NDUFAF6: variants seen among roughly 807,000 people sequenced by gnomAD.
The protein encoded by NDUFAF6 is NADH dehydrogenase (ubiquinone) complex I, assembly factor 6.
Under a neutral mutation model 40.8 loss-of-function variants are expected in NDUFAF6, and 45 were observed. That is an observed-to-expected ratio of 1.10 (90% CI 0.87 to 1.42). The LOEUF is 1.42. Ranked by LOEUF, NDUFAF6 falls within the 40% of genes most tolerant of loss-of-function variation. The pLI is 0.00. For synonymous variants in NDUFAF6, 185 were observed against 155.9 expected (o/e 1.19, Z -1.39); for missense variants, 435 against 418.5 (o/e 1.04, Z -0.34).
At chr8:94,918,222 G>T (rs548879292) in intron 1 of NDUFAF6, among the ~76,000 whole-genome samples, 1 of 152,262 alleles carries the variant, frequency 6.6e-6, no homozygotes, top group African/African-American at 2.4e-5. Flanking sequence ...CACAAAACCA[G>T]CCTCAAAGAA....
At chr8:95,114,330 G>A (rs552500147) in intron 4 of NDUFAF6, among the ~76,000 whole-genome samples, 10 of 152,308 alleles carry the variant, frequency 6.6e-5, no homozygotes, top group African/African-American at 2.4e-4. Flanking sequence ...GTGGTTCCCT[G>A]ACAGGCAGGT....
At chr8:95,112,656 A>T (rs1043655516) in intron 4 of NDUFAF6, among the ~76,000 whole-genome samples, 1 of 152,154 alleles carries the variant, frequency 6.6e-6, no homozygotes, top group Non-Finnish European at 1.5e-5. Flanking sequence ...AACCATTAAG[A>T]TCCTGTTTGC....
At chr8:95,082,885 C>T (rs953918199) in intron 2 of NDUFAF6, among the ~76,000 whole-genome samples, 1 of 152,192 alleles carries the variant, frequency 6.6e-6, no homozygotes, top group African/African-American at 2.4e-5. Flanking sequence ...TGGTTTCGAT[C>T]TCCTGACCTC....
chr8:95,082,222 A>G (rs1185036437), intron 2 of NDUFAF6, among the ~76,000 whole-genome samples: 2 of 152,140 alleles, frequency 1.3e-5, no homozygotes, highest in Admixed American at 6.5e-5. Context: ...TATGCCTGTA[A>G]TCCCAGCACT....
chr8:95,100,923 C>T (rs559048275), intron 1 of NDUFAF6, among the ~76,000 whole-genome samples: 1 of 152,118 alleles, frequency 6.6e-6, no homozygotes, highest in African/African-American at 2.4e-5. Context: ...CCGTAAAAAG[C>T]GGGAATAGAA....
chr8:94,940,942 T>G, intron 1 of NDUFAF6: 1 of 1,610,882 alleles, frequency 6.2e-7, no homozygotes, highest in Non-Finnish European at 8.5e-7. Context: ...TCTGGAACAT[T>G]GTTAAGGCAA....
At chr8:94,996,855 G>A (rs557034229) in intron 2 of NDUFAF6, among the ~76,000 whole-genome samples, 92 of 152,264 alleles carry the variant, frequency 6.0e-4, no homozygotes, top group East Asian at 4.2e-3. Context: ...ACATGAAGAC[G>A]CAGGGAGAAG....
In NDUFAF6 at chr8:95,032,110, C is replaced by A. The variant is rs762409603; in HGVS notation, c.297+16C>A. On this transcript the variant is annotated intron_variant, in intron 2 of 8. Coordinates refer to ENST00000396124, the MANE Select transcript of NDUFAF6 (RefSeq NM_152416.4). ...ACTGGCTCAGGCTGGTATTAAGATA[C>A]CTTAAAATATTATTTGCGAAATGGT... is the stretch of plus-strand genomic sequence containing the variant. 53 of 1,601,016 alleles carry A rather than the reference C, an allele frequency of 3.3e-5. No homozygotes were observed. In the Middle Eastern group the frequency reaches 4.9e-4, roughly 15 times the overall value.
chr8:95,076,722 A>C (rs907363011), downstream of NDUFAF6, among the ~76,000 whole-genome samples: 5 of 151,944 alleles, frequency 3.3e-5, no homozygotes, highest in African/African-American at 1.2e-4. Flanking sequence ...AAAAATACAA[A>C]ATTAGCCATG....
intron 1 of NDUFAF6, chr8:94,940,337 G>A (rs933745695): frequency 4.9e-6 from 6 of 1,233,672 alleles, no homozygotes; most frequent in East Asian, 2.3e-5. Flanking sequence ...CACAGAAAAA[G>A]AAGAGATGAT....
At chr8:95,103,382 T>A (rs1342017221) in exon 3 of NDUFAF6, 1 of 152,202 alleles carries the variant, frequency 6.6e-6, no homozygotes, top group East Asian at 1.9e-4. Context: ...TTTTCTCACC[T>A]GTAAAGTGGA....
intron 2 of NDUFAF6, among the ~76,000 whole-genome samples, chr8:95,004,367 T>C (rs940551090): frequency 4.5e-5 from 6 of 134,580 alleles, no homozygotes; most frequent in African/African-American, 1.7e-4. Flanking sequence ...TTTTTTTTTT[T>C]TTTTTGAGAC....
intron 2 of NDUFAF6, among the ~76,000 whole-genome samples, chr8:95,082,067 A>C (rs556520626): frequency 6.8e-4 from 103 of 152,142 alleles, no homozygotes; most frequent in Middle Eastern, 3.4e-3. Context: ...CCGTCTCAAA[A>C]AAAAACAACA....
intron 2 of NDUFAF6, among the ~76,000 whole-genome samples, chr8:95,088,396 T>C (rs913741584): frequency 2.6e-5 from 4 of 152,234 alleles, no homozygotes; most frequent in Non-Finnish European, 4.4e-5. Context: ...CTTCCCCACG[T>C]TGAGCTAGAG....
chr8:94,998,929 G>GGTGTGTGTGTGTGTGT (rs150656787), intron 2 of NDUFAF6, among the ~76,000 whole-genome samples: 29 of 151,026 alleles, frequency 1.9e-4, no homozygotes, highest in African/African-American at 6.8e-4. Flanking sequence ...TGGAGAGCAG[G>GGTGTGTGTGTGTGTGT]GTGTGTGTGT....
At chr8:94,904,320 C>CTCTTTTTTTTTTT (rs1818238227) in intron 1 of NDUFAF6, among the ~76,000 whole-genome samples, 1 of 34,134 alleles carries the variant, frequency 2.9e-5, no homozygotes, top group African/African-American at 1.5e-4. Context: ...ATTTTTTTTG[C>CTCTTTTTTTTTTT]TTTTTTTTTT....
At chr8:94,987,953 C>T (rs1430817916) in intron 2 of NDUFAF6, among the ~76,000 whole-genome samples, 1 of 152,158 alleles carries the variant, frequency 6.6e-6, no homozygotes, top group Admixed American at 6.5e-5. Flanking sequence ...TCAAAGGTCT[C>T]ATCTAAGTGT....
At chr8:95,116,738 A>T (rs1283926050), downstream of NDUFAF6, among the ~76,000 whole-genome samples, 2 of 152,224 alleles carry the variant, frequency 1.3e-5, no homozygotes, top group Non-Finnish European at 2.9e-5. Flanking sequence ...GTGTGACTGG[A>T]TTATTGTGTT....
chr8:94,900,270 G>A (rs201175096), intron 1 of NDUFAF6, among the ~76,000 whole-genome samples: 4 of 151,856 alleles, frequency 2.6e-5, no homozygotes, highest in Non-Finnish European at 4.4e-5. Flanking sequence ...GTGTGCTCTC[G>A]GTGGGGGGCC....
Sources: allele counts gnomAD v4.1 joint callset (sites outside exome capture counted in the v4.1 genomes callset), GRCh38; gene constraint gnomAD v4.1.1; transcripts MANE v1.5; gene names NCBI Gene and HGNC (gene_info 2026-07-23, HGNC 2026-07-21).